TRABD2B: variants seen among roughly 807,000 people sequenced by gnomAD.
TRABD2B encodes TraB domain containing 2B.
A neutral mutation model predicts 40.1 loss-of-function variants in TRABD2B; 14 were observed. The observed-to-expected ratio is 0.35, with a 90% CI of 0.23 to 0.55. The LOEUF (loss-of-function observed/expected upper bound fraction) is 0.55. Among genes scored for constraint, TRABD2B ranks in the 20% least tolerant of loss-of-function variants. TRABD2B has a pLI of 0.90. For synonymous variants in TRABD2B, 263 were observed against 277.0 expected, an observed-to-expected ratio of 0.95 and a Z score of 0.50; for missense variants, 541 against 648.6, an observed-to-expected ratio of 0.83 and a Z score of 1.80.
intron 2 of TRABD2B, among the ~76,000 whole-genome samples, chr1:47,851,832 T>C (rs1645553348): frequency 6.6e-6 from 1 of 152,216 alleles, no homozygotes; most frequent in African/African-American, 2.4e-5. Context: ...TATCATTTTA[T>C]TGGCGAGGAA....
chr1:47,809,873 T>C (rs766092185), intron 2 of TRABD2B, among the ~76,000 whole-genome samples: 5 of 152,200 alleles, frequency 3.3e-5, no homozygotes, highest in Admixed American at 6.5e-5. Flanking sequence ...TGAATTATTT[T>C]CCTTCCCTGG....
At chr1:47,799,041 C>A (rs569223413) in intron 3 of TRABD2B, among the ~76,000 whole-genome samples, 47 of 144,752 alleles carry the variant, frequency 3.2e-4, no homozygotes, top group African/African-American at 7.0e-4. Flanking sequence ...ACTTCAAGTA[C>A]GGGAACTGTT....
chr1:47,888,640 C>T (rs563231298), intron 2 of TRABD2B, among the ~76,000 whole-genome samples: 30 of 152,266 alleles, frequency 2.0e-4, no homozygotes, highest in Non-Finnish European at 3.1e-4. Context: ...CCCATATCCT[C>T]TTCTTTCCAG....
At chr1:47,928,172 G>A (rs1160061403) in intron 2 of TRABD2B, among the ~76,000 whole-genome samples, 6 of 152,162 alleles carry the variant, frequency 3.9e-5, no homozygotes, top group Non-Finnish European at 8.8e-5. Flanking sequence ...TCACTTACAG[G>A]AAGCCACACA....
chr1:47,778,414 A>G (rs756187889), intron 5 of TRABD2B, 40 bp downstream of exon 5: 1 of 1,426,238 alleles, frequency 7.0e-7, no homozygotes, highest in South Asian at 1.2e-5. Context: ...GCAGGAAGGC[A>G]GGGTCAGTGA....
In TRABD2B at chr1:47,764,275, T is replaced by C. The variant is rs1340282161; in HGVS notation, c.*1627A>G. ...GCCTTGGAGAAGTGTCTCCTCTCTG[T>C]GGGCCTTATTATTCCTCCTACTGTT... On this transcript the variant is annotated 3_prime_UTR_variant, in exon 7 of 7. Coordinates refer to ENST00000606738, the MANE Select transcript of TRABD2B (RefSeq NM_001194986.2). 6.6e-6 allele frequency: 1 copy of C among 152,252 alleles called. No homozygotes were observed. The highest frequency in any genetic ancestry group is 6.5e-5 in the Admixed American group (1 of 15,290). 9.4% of individuals were successfully genotyped at this position (152,252 alleles called of 1,614,324 possible). A position where few individuals can be genotyped will look rare whatever the true frequency, so the allele number is the denominator to read the frequency against.
At chr1:47,909,082 A>G (rs1253572018) in intron 2 of TRABD2B, among the ~76,000 whole-genome samples, 1 of 152,270 alleles carries the variant, frequency 6.6e-6, no homozygotes, top group African/African-American at 2.4e-5. Context: ...TTGGTCACCA[A>G]CTGACCTTGG....
chr1:47,943,438 A>G (rs1055630810), intron 2 of TRABD2B, among the ~76,000 whole-genome samples: 1 of 152,152 alleles, frequency 6.6e-6, no homozygotes, highest in African/African-American at 2.4e-5. Context: ...CAAACAAAAA[A>G]CAAATGCAAG....
chr1:47,987,204 G>A (rs973523803), intron 2 of TRABD2B, among the ~76,000 whole-genome samples: 13 of 152,138 alleles, frequency 8.5e-5, no homozygotes, highest in African/African-American at 2.7e-4. Context: ...CGGGTTGGGG[G>A]AAGATCAGAC....
chr1:47,892,862 C>T (rs1479408985), intron 2 of TRABD2B, among the ~76,000 whole-genome samples: 1 of 152,208 alleles, frequency 6.6e-6, no homozygotes, highest in Non-Finnish European at 1.5e-5. Flanking sequence ...CATGAAACAG[C>T]AGGTACAAAT....
At position 47,829,743 on chromosome 1, in the gene TRABD2B, T is replaced by C. The variant is rs114206814; in HGVS notation, c.667-28124A>G. On this transcript the variant is annotated intron_variant, in intron 2 of 6. Coordinates refer to ENST00000606738, the MANE Select transcript of TRABD2B (RefSeq NM_001194986.2). Reference sequence around the variant, plus strand: ...GGCACATTCAATGACTTCCCGTGAATAAATTCATGCATGACACTTAGGACA... The same window carrying C: ...GGCACATTCAATGACTTCCCGTGAACAAATTCATGCATGACACTTAGGACA... Among the ~76,000 whole-genome samples the C allele has an allele frequency of 1.7e-3, 258 of 152,318 alleles. 1 individual carries two copies. Among genetic ancestry groups the C allele is most frequent in the African/African-American group, 6.0e-3 (248 of 41,562 alleles).
In TRABD2B at chr1:47,775,367, G is replaced by C; in HGVS notation, c.1152C>G (p.Ala384=). The C allele has an allele frequency of 8.1e-7, 1 of 1,238,182 alleles. No individual in the cohort carries two copies. The highest frequency in any genetic ancestry group is 1.0e-6 in the Non-Finnish European group (1 of 989,838). 76.7% of individuals were successfully genotyped at this position (1,238,182 alleles called of 1,614,324 possible). A position where few individuals can be genotyped will look rare whatever the true frequency, so the allele number is the denominator to read the frequency against. ...STSPAPVTPA[A]AVPEAPSVTP... ...TCACAGAGGGTGCTTCGGGGACAGC[G>C]GCAGCTGGGGTCACTGGGGCCGGGC... Residue 384 remains alanine (A), a synonymous_variant, in exon 6 of 7, where the codon GCC becomes GCG. Transcript: ENST00000606738.
chr1:47,956,437 G>A (rs146979030), intron 2 of TRABD2B, among the ~76,000 whole-genome samples: 14 of 152,306 alleles, frequency 9.2e-5, no homozygotes, highest in South Asian at 4.1e-4. Flanking sequence ...TCAAGGGGTC[G>A]GGGAATTCCC....
chr1:47,808,888 G>A (rs1383469139), intron 2 of TRABD2B, among the ~76,000 whole-genome samples: 1 of 152,130 alleles, frequency 6.6e-6, no homozygotes, highest in African/African-American at 2.4e-5. Flanking sequence ...GTTCTAAGCT[G>A]TCAGCTGGGA....
intron 4 of TRABD2B, among the ~76,000 whole-genome samples, chr1:47,794,031 A>C (rs1444665199): frequency 6.6e-6 from 1 of 152,196 alleles, no homozygotes; most frequent in Non-Finnish European, 1.5e-5. Context: ...TTATTTTTAA[A>C]ATATTATCAC....
chr1:47,945,211 G>A (rs1303018824), intron 2 of TRABD2B, among the ~76,000 whole-genome samples: 3 of 152,272 alleles, frequency 2.0e-5, no homozygotes, highest in South Asian at 4.2e-4. Flanking sequence ...GGAAGGCAGG[G>A]AAGCAATGTT....
At position 47,813,797 on chromosome 1, in the gene TRABD2B, G is replaced by A. The variant is rs1016370645; in HGVS notation, c.667-12178C>T. Among the ~76,000 whole-genome samples, 1 of 152,190 alleles carries A rather than the reference G, an allele frequency of 6.6e-6. No homozygotes were observed. The highest frequency in any genetic ancestry group is 2.4e-5 in the African/African-American group (1 of 41,446). The stretch of plus-strand genomic sequence containing the variant: ...AGAGAGGCTGGAATTCTGCATATGT[G>A]GATGAGATTTCCGTTCTCTCTTCAG... On this transcript the variant is annotated intron_variant, in intron 2 of 6. Transcript: ENST00000606738. The surrounding 1 kb of genome is among the most constrained non-coding windows in gnomAD (Gnocchi z 4.3).
chr1:47,965,202 G>GGGGGGGGGGGGGC (rs1570380905), intron 2 of TRABD2B, among the ~76,000 whole-genome samples: 3 of 81,578 alleles, frequency 3.7e-5, no homozygotes, highest in Admixed American at 1.3e-4. Context: ...GGCGGGGGGC[G>GGGGGGGGGGGGGC]GGGGGGGGTG....
chr1:47,829,146 T>C (rs1473694051), intron 2 of TRABD2B, among the ~76,000 whole-genome samples: 3 of 152,160 alleles, frequency 2.0e-5, no homozygotes, highest in Non-Finnish European at 2.9e-5. Flanking sequence ...GACATCAGTA[T>C]GGGTCTGGTC....
Sources: gnomAD v4.1 joint callset for allele counts (sites outside exome capture counted in the v4.1 genomes callset) on GRCh38, gnomAD v4.1.1 for gene constraint, Gnocchi (gnomAD v3.1) non-coding constraint, MANE v1.5 for transcripts, NCBI Gene and HGNC (gene_info 2026-07-23, HGNC 2026-07-21) for gene names.